The following CD81 variants were observed in gnomAD, a reference collection of about 807,000 sequenced individuals.
CD81 encodes CD81 molecule, also known as CD81 antigen.
A neutral mutation model predicts 30.1 loss-of-function variants in CD81; 10 were observed. The observed-to-expected ratio is 0.33, with a 90% CI of 0.21 to 0.56. The LOEUF (loss-of-function observed/expected upper bound fraction) is 0.56, where lower values mean the gene tolerates loss of function less well. Ranked by LOEUF, CD81 falls within the 20% of genes least tolerant of loss-of-function variation. CD81 has a pLI of 0.89. For synonymous variants in CD81, 147 were observed against 126.4 expected (o/e 1.16, Z -1.10); for missense variants, 263 against 308.7 (o/e 0.85, Z 1.11).
At chr11:2,395,819 C>G (rs190124915) in intron 5 of CD81, 50 bp from the exon 6 acceptor site, 1 of 1,295,652 alleles carries the variant, frequency 7.7e-7, no homozygotes, top group Non-Finnish European at 1.1e-6. Flanking sequence ...CTAGAGCCAC[C>G]GTCCCCCTGG....
At position 2,390,497 on chromosome 11, in the gene CD81, A is replaced by G. The variant is rs750903282; in HGVS notation, c.152A>G (p.Asp51Gly). ...TTNLLYLELG[D>G]KPAPNTFYVG... The stretch of plus-strand genomic sequence containing the variant: ...AACCTCCTGTATCTGGAGCTGGGAG[A>G]CAAGCCCGCGCCCAACACCTTCTAT... The change falls in exon 2 of 8, where the codon GAC becomes GGC. Residue 51 changes from aspartate to glycine, a missense_variant. By Grantham distance (94) the Asp-to-Gly change is moderately conservative. Coordinates refer to ENST00000263645, the MANE Select transcript of CD81 (RefSeq NM_004356.4). 9 of 1,612,712 alleles carry G rather than the reference A, an allele frequency of 5.6e-6. No individual in the cohort carries two copies. Among genetic ancestry groups the G allele is most frequent in the Non-Finnish European group, 7.6e-6 (9 of 1,179,898 alleles).
At chr11:2,395,660 C>A in intron 5 of CD81, 140 bp downstream of exon 5, 1 of 784,554 alleles carries the variant, frequency 1.3e-6, no homozygotes, top group Non-Finnish European at 2.2e-6. Flanking sequence ...CTGGTCTCAA[C>A]TGGTCCTCGG....
At position 2,384,034 on chromosome 11, in the gene CD81, T is replaced by G. The variant is rs369898673; in HGVS notation, c.67-6378T>G. ...GCAGCGCCTGCTGCCTTTTGCTCCC[T>G]TTCAGCTGCTTCTTGGAAACAGCGG... On this transcript the variant is annotated intron_variant, in intron 1 of 7. Coordinates refer to ENST00000263645, the MANE Select transcript of CD81 (RefSeq NM_004356.4). Among the ~76,000 whole-genome samples the G allele has an allele frequency of 3.7e-4, 56 of 152,282 alleles. No individual in the cohort carries two copies. In the East Asian group the frequency reaches 9.1e-3, roughly 25 times the overall value.
At position 2,377,721 on chromosome 11, in the gene CD81, G is replaced by C; in HGVS notation, c.66+106G>C. On this transcript the variant is annotated intron_variant, in intron 1 of 7. Coordinates refer to ENST00000263645, the MANE Select transcript of CD81 (RefSeq NM_004356.4). The surrounding 1 kb of genome is among the most constrained non-coding windows in gnomAD (Gnocchi z 7.7). ...GCCCCGCGGGCGCAGCGCGGGCCGCGAAGTTGTGGGGCCACCTGTGGGCTC... is the reference window on the plus strand; with the variant it reads ...GCCCCGCGGGCGCAGCGCGGGCCGCCAAGTTGTGGGGCCACCTGTGGGCTC... The C allele has an allele frequency of 1.7e-6, 1 of 578,100 alleles. No homozygotes were observed. Among genetic ancestry groups the C allele is most frequent in the Non-Finnish European group, 2.6e-6 (1 of 382,738 alleles). 35.8% of individuals were successfully genotyped at this position (578,100 alleles called of 1,614,324 possible). A position where few individuals can be genotyped will look rare whatever the true frequency, so the allele number is the denominator to read the frequency against.
chr11:2,382,211 C>CCCCCCA (rs1230838564), intron 1 of CD81, among the ~76,000 whole-genome samples: 2 of 152,226 alleles, frequency 1.3e-5, no homozygotes, highest in East Asian at 3.8e-4. Flanking sequence ...AAGGCATCTG[C>CCCCCCA]CCCCCACCCC....
chr11:2,388,204 G>T (rs11821349), intron 1 of CD81, among the ~76,000 whole-genome samples: 15,952 of 152,162 alleles, frequency 0.1, 2,416 homozygotes, highest in African/African-American at 0.34. Flanking sequence ...TTGCTACCAC[G>T]CCCAGCCCCC....
At position 2,377,786 on chromosome 11, in the gene CD81, C is replaced by A; in HGVS notation, c.66+171C>A. 3.3e-6 allele frequency: 1 copy of A among 299,542 alleles called. No individual in the cohort carries two copies. The allele number at this position is 299,542 out of a possible 1,614,324, so 18.6% of individuals were successfully genotyped here. On this transcript the variant is annotated intron_variant, in intron 1 of 7. Coordinates refer to ENST00000263645, the MANE Select transcript of CD81 (RefSeq NM_004356.4). The surrounding 1 kb of genome is among the most constrained non-coding windows in gnomAD (Gnocchi z 7.7). ...GGGGTCGCCCGGGGCCACCGCGCCC[C>A]CCGACATTGGGGCTGAGGGCTGCGA...
At chr11:2,396,514 GT>G (rs1850008359) in intron 6 of CD81, 113 bp from the exon 7 acceptor site, 37 of 953,418 alleles carry the variant, frequency 3.9e-5, no homozygotes, top group Non-Finnish European at 6.0e-5. Context: ...GTGGGGGGCT[GT>G]TCCCAGGATT....
chr11:2,396,106 T>TCTCA (rs1849996994), intron 6 of CD81, 136 bp downstream of exon 6: 7 of 545,370 alleles, frequency 1.3e-5, no homozygotes, highest in Non-Finnish European at 2.4e-5. Flanking sequence ...TCAGGGCTGC[T>TCTCA]CTGCTGGGAG....
chr11:2,391,570 T>G (rs573917213), intron 2 of CD81: 1 of 152,146 alleles, frequency 6.6e-6, no homozygotes, highest in Non-Finnish European at 1.5e-5. Flanking sequence ...GTCCAGATGG[T>G]GTCAACAGGG....
Position 2,395,487 on chromosome 11 carries a change from C to T in CD81, c.426C>T (p.Asn142=), listed in dbSNP as rs369472934. Residue 142 remains asparagine (N), a synonymous_variant, in exon 5 of 8, where the codon AAC becomes AAT. Coordinates refer to ENST00000263645, the MANE Select transcript of CD81 (RefSeq NM_004356.4). The stretch of plus-strand genomic sequence containing the variant: ...CCGTGGTGGATGATGACGCCAACAA[C>T]GCCAAGGCTGTGGTGAAGACCTTCC... ...QQAVVDDDAN[N]AKAVVKTFHE... is the part of the protein sequence containing the mutation. 201 of 1,612,706 alleles carry T rather than the reference C, an allele frequency of 1.2e-4. No homozygotes were observed. The Middle Eastern group carries it at 1.8e-3, about 15-fold the overall frequency.
rs1849955219 is a variant in CD81, at chr11:2,394,165, C to A, written c.252C>A (p.Ile84=). Residue 84 remains isoleucine (I), a synonymous_variant, in exon 3 of 8, where the codon ATC becomes ATA. Transcript: ENST00000263645. Reference sequence around the variant, plus strand: ...GCTTCCTGGGCTGCTACGGGGCCATCCAGGAATCCCAGTGCCTGCTGGGGA... The same window carrying A: ...GCTTCCTGGGCTGCTACGGGGCCATACAGGAATCCCAGTGCCTGCTGGGGA... The part of the protein sequence containing the change: ...FVGFLGCYGA[I]QESQCLLGTF... 6.2e-7 allele frequency: 1 copy of A among 1,612,370 alleles called. No homozygotes were observed. The highest frequency in any genetic ancestry group is 1.7e-5 in the Admixed American group (1 of 59,998).
At chr11:2,395,234 C>A in intron 4 of CD81, 182 bp from the exon 5 acceptor site, 1 of 725,354 alleles carries the variant, frequency 1.4e-6, no homozygotes, top group Non-Finnish European at 2.5e-6. Flanking sequence ...ACCAGGCCAG[C>A]CTCCCGTGTC....
chr11:2,385,378 C>G (rs534396204), intron 1 of CD81, among the ~76,000 whole-genome samples: 2 of 152,186 alleles, frequency 1.3e-5, no homozygotes, highest in African/African-American at 2.4e-5. Context: ...CACGGGCCGT[C>G]GCTGTGGGTG....
chr11:2,377,625 G>A lies in CD81; in HGVS notation c.66+10G>A. 1 of 1,533,858 alleles carries A rather than the reference G, an allele frequency of 6.5e-7. No homozygotes were observed. Among genetic ancestry groups the A allele is most frequent in the East Asian group, 2.6e-5 (1 of 39,122 alleles). On this transcript the variant is annotated intron_variant, in intron 1 of 7. Transcript: ENST00000263645. This position sits in a 1 kb window ranked among gnomAD's most constrained non-coding sequence, Gnocchi z 7.7. ...CAATTTCGTCTTCTGGGTAAGGGCT[G>A]CGCCGGGGGCCGGGGCGGGAGGGGG...
Position 2,396,243 on chromosome 11 carries a change from C to T in CD81, c.561+273C>T, listed in dbSNP as rs1000968074. ...GCACCCCCAGCTCCACGTGTGCACT[C>T]GTGGGTGTGGACGCCCCTGACAGCC... is the stretch of plus-strand genomic sequence containing the variant. On this transcript the variant is annotated intron_variant, in intron 6 of 7. Transcript: ENST00000263645. The T allele has an allele frequency of 3.0e-5, 17 of 573,730 alleles. 1 individual carries two copies. Among genetic ancestry groups the T allele is most frequent in the South Asian group, 2.7e-4 (14 of 51,012 alleles). The allele number at this position is 573,730 out of a possible 1,614,324, so 35.5% of individuals were successfully genotyped here.
intron 6 of CD81, 50 bp downstream of exon 6, chr11:2,396,020 T>G: frequency 8.5e-7 from 1 of 1,174,106 alleles, no homozygotes; most frequent in South Asian, 1.2e-5. Flanking sequence ...GTCCCGCCCC[T>G]GGGTGGGGTC....
chr11:2,384,284 T>TGGGGCGGCTTGTGGGGC (rs1254208505), intron 1 of CD81, among the ~76,000 whole-genome samples: 5 of 109,780 alleles, frequency 4.6e-5, no homozygotes, highest in Non-Finnish European at 9.4e-5. Context: ...TCTTGTGGGG[T>TGGGGCGGCTTGTGGGGC]GGGGCGGCTT....
At chr11:2,390,643 C>T in intron 2 of CD81, 117 bp downstream of exon 2, 1 of 773,784 alleles carries the variant, frequency 1.3e-6, no homozygotes, top group South Asian at 1.4e-5. Flanking sequence ...CGTGTCCGGG[C>T]AGGGAGGCGG....
Sources: gnomAD v4.1 joint callset for allele counts (sites outside exome capture counted in the v4.1 genomes callset) on GRCh38, gnomAD v4.1.1 for gene constraint, Gnocchi (gnomAD v3.1) non-coding constraint, MANE v1.5 for transcripts, NCBI Gene and HGNC (gene_info 2026-07-23, HGNC 2026-07-21) for gene names.